Variants in ITPR1 observed in about 807,000 individuals in gnomAD.
ITPR1 encodes inositol 1,4,5-trisphosphate receptor type 1, also known as inositol 1,4,5-trisphosphate-gated calcium channel ITPR1.
ITPR1 carries 96 observed loss-of-function variants against 318.4 expected under a neutral mutation model. The ratio of observed to expected loss-of-function variants is 0.30; its 90% CI spans 0.26 to 0.36. The LOEUF (loss-of-function observed/expected upper bound fraction) is 0.36, where lower values mean the gene tolerates loss of function less well. ITPR1 is among the 10% of genes least tolerant of loss of function. The pLI is 1.00. For synonymous variants in ITPR1, 1,312 were observed against 1,289.9 expected (o/e 1.02, Z -0.37); for missense variants, 2,440 against 3,460.2 (o/e 0.71, Z 7.40).
At chr3:4,773,831 C>G (rs995433269) in intron 46 of ITPR1, among the ~76,000 whole-genome samples, 1 of 152,210 alleles carries the variant, frequency 6.6e-6, no homozygotes, top group African/African-American at 2.4e-5. Context: ...CCCTCCACCT[C>G]CCACCTGGAC....
At chr3:4,703,000 ACAGTAGTAAGG>A (rs751881317) in intron 36 of ITPR1, 50 bp downstream of exon 36, 191 of 1,590,978 alleles carry the variant, frequency 1.2e-4, no homozygotes, top group Middle Eastern at 8.3e-4. Flanking sequence ...GAATTGTCTG[ACAGTAGTAAGG>A]CTGCCATTTA....
At chr3:4,646,180 G>A (rs2093452123) in intron 10 of ITPR1, among the ~76,000 whole-genome samples, 1 of 152,222 alleles carries the variant, frequency 6.6e-6, no homozygotes, top group Admixed American at 6.5e-5. Context: ...CATTGGTGAT[G>A]GGGCAGAAAT....
chr3:4,521,848 C>T (rs936728199), intron 4 of ITPR1, among the ~76,000 whole-genome samples: 10 of 151,916 alleles, frequency 6.6e-5, no homozygotes, highest in East Asian at 5.8e-4. Context: ...CCAGCCTGGG[C>T]GACAAAGTGA....
intron 4 of ITPR1, among the ~76,000 whole-genome samples, chr3:4,619,464 T>G (rs574485633): frequency 6.6e-6 from 1 of 151,688 alleles, no homozygotes; most frequent in East Asian, 1.9e-4. Flanking sequence ...CTTTCTTCTT[T>G]CCTTACCTAC....
chr3:4,678,070 C>T (rs577413362), intron 24 of ITPR1, among the ~76,000 whole-genome samples: 10 of 152,172 alleles, frequency 6.6e-5, no homozygotes, highest in South Asian at 2.1e-4. Flanking sequence ...TCAACCCCAA[C>T]AGATGTAGTA....
intron 4 of ITPR1, among the ~76,000 whole-genome samples, chr3:4,622,727 A>G (rs188893136): frequency 6.6e-6 from 1 of 152,330 alleles, no homozygotes; most frequent in African/African-American, 2.4e-5. Context: ...CATTTTAATA[A>G]GTAGTAATTG....
At chr3:4,519,989 G>A (rs573956480) in intron 3 of ITPR1, among the ~76,000 whole-genome samples, 1 of 152,308 alleles carries the variant, frequency 6.6e-6, no homozygotes, top group South Asian at 2.1e-4. Flanking sequence ...AGACAGGCAG[G>A]ACTTGAGGAG....
intron 4 of ITPR1, among the ~76,000 whole-genome samples, chr3:4,626,325 A>G (rs1190781944): frequency 1.3e-5 from 2 of 152,170 alleles, no homozygotes; most frequent in Non-Finnish European, 1.5e-5. Context: ...GTACCCTGTT[A>G]TTTATGATGG....
chr3:4,572,717 T>G (rs1282329221), intron 4 of ITPR1, among the ~76,000 whole-genome samples: 1 of 152,226 alleles, frequency 6.6e-6, no homozygotes, highest in Non-Finnish European at 1.5e-5. Flanking sequence ...TCTGAAGTTC[T>G]GTTCGCATTA....
intron 49 of ITPR1, among the ~76,000 whole-genome samples, chr3:4,780,415 T>C (rs549623915): frequency 6.6e-6 from 1 of 152,154 alleles, no homozygotes; most frequent in Non-Finnish European, 1.5e-5. Context: ...TGGTTTATTT[T>C]TGAGGGGTGA....
At chr3:4,520,896 G>T in intron 3 of ITPR1, 128 bp from the exon 4 acceptor site, 1 of 726,528 alleles carries the variant, frequency 1.4e-6, no homozygotes, top group Non-Finnish European at 2.5e-6. Flanking sequence ...AGTGTAAAGA[G>T]TTCCTGGCAG....
chr3:4,610,289 C>T (rs575519407), intron 4 of ITPR1, among the ~76,000 whole-genome samples: 1 of 152,232 alleles, frequency 6.6e-6, no homozygotes, highest in South Asian at 2.1e-4. Context: ...GTTCCTCCCT[C>T]TCCCTGATGA....
intron 4 of ITPR1, among the ~76,000 whole-genome samples, chr3:4,546,685 A>G (rs2085041012): frequency 6.6e-6 from 1 of 152,140 alleles, no homozygotes; most frequent in African/African-American, 2.4e-5. Context: ...AGGATAGACA[A>G]ATAATTTAAT....
intron 60 of ITPR1, among the ~76,000 whole-genome samples, chr3:4,836,229 A>C (rs1409638442): frequency 6.6e-6 from 1 of 152,170 alleles, no homozygotes; most frequent in Non-Finnish European, 1.5e-5. Flanking sequence ...GACAGAAAAT[A>C]GAATGGTGGT....
chr3:4,767,707 T>C (rs1350762824), intron 45 of ITPR1, among the ~76,000 whole-genome samples: 1 of 152,188 alleles, frequency 6.6e-6, no homozygotes, highest in Non-Finnish European at 1.5e-5. Context: ...ATTTTTTGTT[T>C]TGTAGAGATG....
intron 4 of ITPR1, among the ~76,000 whole-genome samples, chr3:4,533,358 C>T (rs1333826384): frequency 2.6e-5 from 4 of 152,110 alleles, no homozygotes; most frequent in African/African-American, 9.7e-5. Context: ...GGTTCAAGTC[C>T]CTGCCCTGCT....
Position 4,761,833 on chromosome 3 carries a change from A to T in ITPR1, c.5545-4697A>T, listed in dbSNP as rs148362810. Among the ~76,000 whole-genome samples, 285 of 152,326 alleles carry T rather than the reference A, an allele frequency of 1.9e-3. 4 individuals carry two copies. The South Asian group carries it at 0.028, about 15-fold the overall frequency. ...ATAGGGAGACAGTCCTGAGGAGAAC[A>T]TTCCATTCCCCACCCAAGCCCTGCA... On this transcript the variant is annotated intron_variant, in intron 44 of 61. Transcript: ENST00000649015.
intron 2 of ITPR1, among the ~76,000 whole-genome samples, chr3:4,499,955 G>A (rs1394272573): frequency 3.9e-5 from 6 of 152,170 alleles, no homozygotes; most frequent in Non-Finnish European, 5.9e-5. Context: ...GGTGTGAGAT[G>A]TTGGATGTCT....
chr3:4,778,540 G>A (rs1449959374), intron 48 of ITPR1, among the ~76,000 whole-genome samples: 1 of 152,148 alleles, frequency 6.6e-6, no homozygotes, highest in Non-Finnish European at 1.5e-5. Flanking sequence ...ACTAACAGTC[G>A]ATTTGGGTGT....
Sources: gnomAD v4.1 joint callset for allele counts (sites outside exome capture counted in the v4.1 genomes callset) on GRCh38, gnomAD v4.1.1 for gene constraint, MANE v1.5 for transcripts, NCBI Gene and HGNC (gene_info 2026-07-23, HGNC 2026-07-21) for gene names.